ASPM: variants seen among roughly 807,000 people sequenced by gnomAD.
The protein encoded by ASPM is abnormal spindle-like microcephaly-associated protein.
Under a neutral mutation model 366.4 loss-of-function variants are expected in ASPM, and 256 were observed. The observed-to-expected ratio is 0.70, with a 90% CI of 0.63 to 0.77. The LOEUF (loss-of-function observed/expected upper bound fraction) is 0.77. ASPM is among the 30% of genes least tolerant of loss of function. The probability of loss-of-function intolerance (pLI) is 0.00; values close to 1 mark genes in which losing one functional copy is unlikely to be tolerated. For synonymous variants in ASPM, 1,414 were observed against 1,342.9 expected (o/e 1.05, Z -1.16); for missense variants, 4,146 against 4,090.4 (o/e 1.01, Z -0.37).
chr1:197,101,013 C>G lies in ASPM; in HGVS notation c.8238G>C (p.Gln2746His). Reference protein sequence around the residue: ...LAVQKSVRTIQAAFRGMKVRQ... With the variant: ...LAVQKSVRTIHAAFRGMKVRQ... Reference sequence around the variant, plus strand: ...TAACTTTCATGCCTCTAAAAGCAGCCTGAATAGTTCGTACAGATTTCTGAA... The same window carrying G: ...TAACTTTCATGCCTCTAAAAGCAGCGTGAATAGTTCGTACAGATTTCTGAA... The change falls in exon 18 of 28, where the codon CAG becomes CAC. Residue 2746 changes from glutamine (Q) to histidine (H), a missense_variant. Gln to His is a conservative substitution (Grantham distance 24). Coordinates refer to ENST00000367409, the MANE Select transcript of ASPM (RefSeq NM_018136.5). 1 of 1,612,274 alleles carries G rather than the reference C, an allele frequency of 6.2e-7. No homozygotes were observed. Among genetic ancestry groups the G allele is most frequent in the Middle Eastern group, 1.7e-4 (1 of 6,044 alleles).
intron 17 of ASPM, among the ~76,000 whole-genome samples, chr1:197,106,396 T>C (rs1485784725): frequency 6.6e-6 from 1 of 152,064 alleles, no homozygotes; most frequent in African/African-American, 2.4e-5. Context: ...AAGTATTAAC[T>C]TGCTTTAAAT....
chr1:197,145,273 G>C lies in ASPM; in HGVS notation c.297+868C>G, dbSNP rs148448529. Among the ~76,000 whole-genome samples the C allele has an allele frequency of 4.6e-3, 693 of 152,252 alleles. 4 individuals carry two copies. The highest frequency in any genetic ancestry group is 7.6e-3 in the Admixed American group (116 of 15,300). On this transcript the variant is annotated intron_variant, in intron 1 of 27. Coordinates refer to ENST00000367409, the MANE Select transcript of ASPM (RefSeq NM_018136.5). ...TCAAAATAAAAACATAAATTCTCCAGTCTTTGGTGAAGGGGATTGGAGCAT... is the reference window on the plus strand; with the variant it reads ...TCAAAATAAAAACATAAATTCTCCACTCTTTGGTGAAGGGGATTGGAGCAT...
Position 197,084,155 on chromosome 1 carries a change from T to C in ASPM, c.*169A>G. The C allele has an allele frequency of 3.3e-6, 2 of 607,648 alleles. No homozygotes were observed. Among genetic ancestry groups the C allele is most frequent in the East Asian group, 2.8e-5 (1 of 36,040 alleles). 37.6% of individuals were successfully genotyped at this position (607,648 alleles called of 1,614,324 possible). On this transcript the variant is annotated 3_prime_UTR_variant, in exon 28 of 28. Transcript: ENST00000367409. ...TCTTATGACATATTAGTTTATTACA[T>C]GCATAAAACTATAAATGATAAAAAT...
rs1054947537 is a variant in ASPM at position 197,101,448 on chromosome 1, T to C, written c.7803A>G (p.Glu2601=). ...CCTGAACACAAGTCTCTTTCTTAAGTTCATTGTGTTGAAATACTTTCTGTT... is the reference window on the plus strand; with the variant it reads ...CCTGAACACAAGTCTCTTTCTTAAGCTCATTGTGTTGAAATACTTTCTGTT... ...KKKQKVFQHN[E]LKKETCVQAG... is the part of the protein sequence containing the mutation. Residue 2601 remains glutamate (E), a synonymous_variant, in exon 18 of 28, where the codon GAA becomes GAG. Transcript: ENST00000367409. The C allele has an allele frequency of 1.2e-6, 2 of 1,608,990 alleles. No individual in the cohort carries two copies. Among genetic ancestry groups the C allele is most frequent in the Non-Finnish European group, 1.7e-6 (2 of 1,179,022 alleles).
chr1:197,108,342 A>T (rs1557949738), intron 17 of ASPM, among the ~76,000 whole-genome samples: 2 of 152,106 alleles, frequency 1.3e-5, no homozygotes, highest in African/African-American at 4.8e-5. Flanking sequence ...GATTATACTT[A>T]AAGAAACTAT....
At chr1:197,129,467 T>A in intron 8 of ASPM, 150 bp from the exon 9 acceptor site, 3 of 800,410 alleles carry the variant, frequency 3.7e-6, no homozygotes, top group Non-Finnish European at 5.9e-6. Context: ...TTTTTAGTGC[T>A]TTATGTGTAT....
intron 3 of ASPM, 28 bp from the exon 4 acceptor site, chr1:197,139,899 G>A (rs1184737517): frequency 3.4e-6 from 5 of 1,485,746 alleles, no homozygotes; most frequent in Non-Finnish European, 4.7e-6. Flanking sequence ...ACAAAACTAA[G>A]AGCATTAAAA....
At chr1:197,129,040 C>A (rs962104804) in intron 9 of ASPM, 147 bp downstream of exon 9, 2 of 806,776 alleles carry the variant, frequency 2.5e-6, no homozygotes, top group Non-Finnish European at 1.9e-6. Context: ...ACTGATGGGA[C>A]TCACCAGACA....
At chr1:197,095,133 A>G (rs1326026327) in intron 19 of ASPM, among the ~76,000 whole-genome samples, 2 of 151,734 alleles carry the variant, frequency 1.3e-5, no homozygotes, top group Non-Finnish European at 1.5e-5. Flanking sequence ...TTTGAAATAT[A>G]CAATAAATTA....
Position 197,084,316 on chromosome 1 carries a change from T to A in ASPM, c.*8A>T. ...TTACACTATACATACTGAAAATGTT[T>A]ACATTTACTAATAAGGAATGCCAAG... On this transcript the variant is annotated 3_prime_UTR_variant, in exon 28 of 28. Coordinates refer to ENST00000367409, the MANE Select transcript of ASPM (RefSeq NM_018136.5). 6.3e-7 allele frequency: 1 copy of A among 1,586,326 alleles called. No homozygotes were observed. Among genetic ancestry groups the A allele is most frequent in the Admixed American group, 1.7e-5 (1 of 59,956 alleles).
chr1:197,124,318 A>C lies in ASPM; in HGVS notation c.3182T>G (p.Leu1061Arg). Residue 1061 changes from leucine to arginine, a missense_variant, in exon 13 of 28, where the codon CTT (leucine) becomes CGT (arginine). Physicochemically the swap from Leu to Arg is moderately radical, Grantham distance 102. Transcript: ENST00000367409. ...TTCTTCCTTTAATTGATCTAAGTTA[A>C]GGGAAATATCCACCTAAAACAAACA... ...IAFAFQVDIS[L>R]NLDQLKEEIA... The C allele has an allele frequency of 6.3e-7, 1 of 1,576,438 alleles. No homozygotes were observed. Among genetic ancestry groups the C allele is most frequent in the Non-Finnish European group, 8.7e-7 (1 of 1,148,296 alleles).
At chr1:197,111,418 G>A (rs1049706171) in intron 17 of ASPM, among the ~76,000 whole-genome samples, 1 of 151,900 alleles carries the variant, frequency 6.6e-6, no homozygotes, top group Admixed American at 6.6e-5. Context: ...TTTTTAAAAA[G>A]TCAAAAAACA....
intron 5 of ASPM, 56 bp downstream of exon 5, chr1:197,135,039 TA>T: frequency 7.7e-7 from 1 of 1,291,200 alleles, no homozygotes; most frequent in Non-Finnish European, 1.1e-6. Context: ...CAAACGATGT[TA>T]AAAATCTTTA....
chr1:197,097,354 A>G (rs1657012630), intron 18 of ASPM, among the ~76,000 whole-genome samples: 1 of 151,732 alleles, frequency 6.6e-6, no homozygotes, highest in Admixed American at 6.6e-5. Context: ...GCCCCACGAA[A>G]TGCTTAAAAG....
chr1:197,098,973 T>A (rs1657069503), intron 18 of ASPM, among the ~76,000 whole-genome samples: 1 of 151,584 alleles, frequency 6.6e-6, no homozygotes, highest in South Asian at 2.1e-4. Context: ...ATCATCAATC[T>A]CAAAACCTGC....
intron 4 of ASPM, 62 bp from the exon 5 acceptor site, chr1:197,135,304 G>A: frequency 6.6e-7 from 1 of 1,505,544 alleles, no homozygotes; most frequent in East Asian, 2.3e-5. Context: ...ACAATATACA[G>A]CAAAAGTCAT....
At chr1:197,091,829 G>A in intron 22 of ASPM, 78 bp downstream of exon 22, 1 of 1,447,500 alleles carries the variant, frequency 6.9e-7, no homozygotes, top group South Asian at 1.2e-5. Context: ...TAAAGCATTT[G>A]GAAATTGTTT....
intron 14 of ASPM, 36 bp downstream of exon 14, chr1:197,122,352 G>A (rs772014705): frequency 6.2e-7 from 1 of 1,613,160 alleles, no homozygotes; most frequent in Admixed American, 1.7e-5. Context: ...AATCAGACAT[G>A]GCAAAAAATT....
intron 17 of ASPM, among the ~76,000 whole-genome samples, chr1:197,108,851 G>T (rs1657492109): frequency 1.3e-5 from 2 of 151,286 alleles, no homozygotes; most frequent in Admixed American, 6.6e-5. Flanking sequence ...CATGCCTGTA[G>T]TCTCAGCTAC....
Sources: allele counts gnomAD v4.1 joint callset (sites outside exome capture counted in the v4.1 genomes callset), GRCh38; gene constraint gnomAD v4.1.1; transcripts MANE v1.5; gene names NCBI Gene and HGNC (gene_info 2026-07-23, HGNC 2026-07-21).